DCAF5: variants seen among roughly 807,000 people sequenced by gnomAD.
DCAF5 encodes DDB1- and CUL4-associated factor 5.
Under a neutral mutation model 80.7 loss-of-function variants are expected in DCAF5, and 9 were observed. The ratio of observed to expected loss-of-function variants is 0.11; its 90% confidence interval spans 0.07 to 0.19. The LOEUF is 0.19. Ranked by LOEUF, DCAF5 falls within the 10% of genes least tolerant of loss-of-function variation. The pLI is 1.00. For synonymous variants in DCAF5, 433 were observed against 461.9 expected, an observed-to-expected ratio of 0.94 and a Z score of 0.80; for missense variants, 842 against 1,205.7, an observed-to-expected ratio of 0.70 and a Z score of 4.47.
intron 7 of DCAF5, among the ~76,000 whole-genome samples, chr14:69,066,083 A>G (rs1594937427): frequency 6.6e-6 from 1 of 151,988 alleles, no homozygotes. Context: ...ATAAACCAAC[A>G]GTCATTTCTC....
intron 5 of DCAF5, among the ~76,000 whole-genome samples, chr14:69,092,511 A>T (rs1253839052): frequency 6.6e-6 from 1 of 152,128 alleles, no homozygotes. Flanking sequence ...CCAGCTGCTC[A>T]GGAGGCTGAG....
intron 6 of DCAF5, among the ~76,000 whole-genome samples, chr14:69,081,070 A>C (rs908698935): frequency 1.2e-4 from 17 of 136,410 alleles, no homozygotes; most frequent in Admixed American, 2.1e-4. Flanking sequence ...ATTTAAAAGA[A>C]TATAAGAAAA....
chr14:69,138,497 C>T (rs1169469001), intron 1 of DCAF5, among the ~76,000 whole-genome samples: 1 of 152,202 alleles, frequency 6.6e-6, no homozygotes, highest in African/African-American at 2.4e-5. Context: ...GGCAATGAAA[C>T]TGCAGATACA....
At chr14:69,147,603 A>G (rs1052139477) in intron 1 of DCAF5, among the ~76,000 whole-genome samples, 1 of 152,148 alleles carries the variant, frequency 6.6e-6, no homozygotes, top group African/African-American at 2.4e-5. Flanking sequence ...CTCTCTATAT[A>G]GATTATGGCT....
intron 8 of DCAF5, 133 bp downstream of exon 8, chr14:69,062,251 T>C (rs772632286): frequency 8.2e-5 from 80 of 971,826 alleles, no homozygotes; most frequent in Non-Finnish European, 1.1e-4. Context: ...TATTTTGTAA[T>C]ATGTTAAAAT....
chr14:69,075,932 A>C (rs995960856), intron 6 of DCAF5, among the ~76,000 whole-genome samples: 1 of 152,230 alleles, frequency 6.6e-6, no homozygotes, highest in African/African-American at 2.4e-5. Flanking sequence ...AAAACTCAGC[A>C]ACGACAACAA....
intron 5 of DCAF5, among the ~76,000 whole-genome samples, chr14:69,107,223 G>A (rs910408145): frequency 2.0e-5 from 3 of 152,112 alleles, no homozygotes; most frequent in Non-Finnish European, 2.9e-5. Flanking sequence ...CTGAAGCGAC[G>A]TCTCTTGTCA....
intron 6 of DCAF5, among the ~76,000 whole-genome samples, chr14:69,078,959 T>C (rs914626597): frequency 2.0e-5 from 3 of 151,976 alleles, no homozygotes; most frequent in Admixed American, 6.6e-5. Context: ...ACCTCCAGGA[T>C]TCAAGCAATT....
rs1016411531 is a variant in DCAF5, at chr14:69,053,599, C to T, written c.*258G>A. 25 of 449,200 alleles carry T rather than the reference C, an allele frequency of 5.6e-5. No homozygotes were observed. The highest frequency in any genetic ancestry group is 6.7e-5 in the Non-Finnish European group (17 of 254,064). The allele number at this position is 449,200 out of a possible 1,614,324, so 27.8% of individuals were successfully genotyped here. A position where few individuals can be genotyped will look rare whatever the true frequency, so the allele number is the denominator to read the frequency against. Reference sequence around the variant, plus strand: ...CCACAGAGCCTTGCGCGGCACACTACGCTCACGTCTCACTAGAAAGGAGTC... The same window carrying T: ...CCACAGAGCCTTGCGCGGCACACTATGCTCACGTCTCACTAGAAAGGAGTC... On this transcript the variant is annotated 3_prime_UTR_variant, in exon 9 of 9. Transcript: ENST00000341516.
intron 1 of DCAF5, among the ~76,000 whole-genome samples, chr14:69,147,775 G>C (rs565230140): frequency 6.6e-6 from 1 of 152,214 alleles, no homozygotes; most frequent in South Asian, 2.1e-4. Flanking sequence ...CATGCTATTT[G>C]AAAAACTTCT....
At chr14:69,056,676 T>C (rs757104432) in intron 8 of DCAF5, among the ~76,000 whole-genome samples, 77 of 152,248 alleles carry the variant, frequency 5.1e-4, no homozygotes, top group Non-Finnish European at 9.3e-4. Flanking sequence ...CAGTGGCCCC[T>C]CAATTCCCCA....
intron 2 of DCAF5, 22 bp downstream of exon 2, chr14:69,122,195 A>T (rs760979742): frequency 5.0e-6 from 8 of 1,606,246 alleles, no homozygotes; most frequent in Non-Finnish European, 6.8e-6. Flanking sequence ...TGACGTTCCC[A>T]AGGTAGAATC....
intron 1 of DCAF5, among the ~76,000 whole-genome samples, chr14:69,135,953 T>A (rs1397884841): frequency 6.6e-6 from 1 of 152,182 alleles, no homozygotes; most frequent in East Asian, 1.9e-4. Flanking sequence ...AATGTAACAA[T>A]GTAACAGGCT....
chr14:69,107,094 G>T (rs2040189686), intron 5 of DCAF5, among the ~76,000 whole-genome samples: 1 of 152,084 alleles, frequency 6.6e-6, no homozygotes, highest in African/African-American at 2.4e-5. Context: ...TTTGATTTAG[G>T]TTTTGATATT....
intron 6 of DCAF5, among the ~76,000 whole-genome samples, chr14:69,080,386 A>G (rs1016943911): frequency 6.6e-5 from 10 of 152,210 alleles, no homozygotes; most frequent in African/African-American, 2.2e-4. Context: ...GCAAGAAAAC[A>G]AAGACCAAAC....
At chr14:69,100,544 A>T (rs2039912080) in intron 5 of DCAF5, among the ~76,000 whole-genome samples, 1 of 152,182 alleles carries the variant, frequency 6.6e-6, no homozygotes, top group African/African-American at 2.4e-5. Flanking sequence ...CCTTTGGTAG[A>T]TTTCTAGATA....
intron 8 of DCAF5, among the ~76,000 whole-genome samples, chr14:69,059,638 G>A (rs918048655): frequency 2.0e-5 from 3 of 152,176 alleles, no homozygotes; most frequent in Non-Finnish European, 4.4e-5. Flanking sequence ...AGGCCAGCAT[G>A]GCCATTGGTC....
intron 6 of DCAF5, 61 bp downstream of exon 6, chr14:69,091,613 T>C: frequency 2.0e-6 from 3 of 1,463,724 alleles, no homozygotes; most frequent in South Asian, 2.4e-5. Context: ...AAGACCAGTA[T>C]AGAAAGAACA....
chr14:69,142,237 C>G (rs1302513415), intron 1 of DCAF5, among the ~76,000 whole-genome samples: 2 of 152,196 alleles, frequency 1.3e-5, no homozygotes, highest in African/African-American at 4.8e-5. Context: ...AGGGTCAAAG[C>G]TACAGTGAGC....
Sources: gnomAD v4.1 joint callset for allele counts (sites outside exome capture counted in the v4.1 genomes callset) on GRCh38, gnomAD v4.1.1 for gene constraint, MANE v1.5 for transcripts, NCBI Gene and HGNC (gene_info 2026-07-23, HGNC 2026-07-21) for gene names.